Variants in ACOXL observed in about 807,000 individuals in gnomAD.
ACOXL encodes the protein acyl-CoA oxidase like.
In ACOXL, 70 loss-of-function variants were observed where a neutral mutation model predicts 71.9. The ratio of observed to expected loss-of-function variants is 0.97; its 90% CI spans 0.80 to 1.19. ACOXL has a LOEUF of 1.19. Among genes scored for constraint, ACOXL ranks in the 50% most tolerant of loss-of-function variants. The pLI is 0.00. For synonymous variants in ACOXL, 253 were observed against 281.6 expected (o/e 0.90, Z 1.02); for missense variants, 703 against 736.3 (o/e 0.95, Z 0.52).
At chr2:110,845,198 G>T (rs1053377998) in intron 10 of ACOXL, among the ~76,000 whole-genome samples, 1 of 152,208 alleles carries the variant, frequency 6.6e-6, no homozygotes, top group East Asian at 1.9e-4. Flanking sequence ...CCTGGTCTCT[G>T]CTTCCAAGAT....
chr2:110,907,942 G>A (rs1247726470), intron 10 of ACOXL, among the ~76,000 whole-genome samples: 1 of 152,204 alleles, frequency 6.6e-6, no homozygotes, highest in Non-Finnish European at 1.5e-5. Context: ...CACCATGCTT[G>A]ATAACATAGC....
chr2:111,076,987 G>T (rs2067634136), intron 16 of ACOXL, among the ~76,000 whole-genome samples: 1 of 152,028 alleles, frequency 6.6e-6, no homozygotes, highest in Non-Finnish European at 1.5e-5. Flanking sequence ...ATTGCATTTA[G>T]GACCTACCTG....
intron 13 of ACOXL, among the ~76,000 whole-genome samples, chr2:110,991,676 AT>A (rs913140485): frequency 6.6e-6 from 1 of 151,920 alleles, no homozygotes; most frequent in Non-Finnish European, 1.5e-5. Flanking sequence ...GAAATCTGTT[AT>A]CTGTCTTTTT....
intron 5 of ACOXL, among the ~76,000 whole-genome samples, chr2:110,794,392 T>C (rs190589792): frequency 1.6e-3 from 245 of 152,370 alleles, no homozygotes; most frequent in Admixed American, 3.4e-3. Context: ...TGAGGCAATA[T>C]GGTGCCTTTG....
At chr2:110,948,367 C>T (rs2061192656) in intron 12 of ACOXL, among the ~76,000 whole-genome samples, 1 of 152,144 alleles carries the variant, frequency 6.6e-6, no homozygotes, top group Non-Finnish European at 1.5e-5. Context: ...TGATGTGAGG[C>T]AGAGCCCTCT....
intron 6 of ACOXL, 137 bp downstream of exon 6, chr2:110,798,861 T>G: frequency 1.8e-6 from 2 of 1,140,010 alleles, no homozygotes; most frequent in Non-Finnish European, 2.6e-6. Flanking sequence ...ATGAAGAAAT[T>G]TATCATTACA....
At chr2:110,953,553 T>C (rs371278683) in intron 12 of ACOXL, among the ~76,000 whole-genome samples, 2 of 152,136 alleles carry the variant, frequency 1.3e-5, no homozygotes, top group East Asian at 3.8e-4. Flanking sequence ...CTATTCTTAC[T>C]GAGGTTTTGG....
intron 12 of ACOXL, among the ~76,000 whole-genome samples, chr2:110,939,825 C>T (rs2060802304): frequency 6.6e-6 from 1 of 152,110 alleles, no homozygotes; most frequent in African/African-American, 2.4e-5. Flanking sequence ...TTAGTGTTTG[C>T]GTGTTTTATG....
intron 12 of ACOXL, among the ~76,000 whole-genome samples, chr2:110,934,010 C>T (rs1261818313): frequency 2.6e-5 from 4 of 152,186 alleles, no homozygotes; most frequent in African/African-American, 9.6e-5. Context: ...CCAAGGGTTT[C>T]CCTCACCCCT....
At chr2:110,811,730 TACACACACACACAC>T (rs780039810) in intron 9 of ACOXL, among the ~76,000 whole-genome samples, 1,062 of 101,650 alleles carry the variant, frequency 0.01, 21 homozygotes, top group African/African-American at 0.036. Context: ...TTTTTTTGCA[TACACACACACACAC>T]ACACACACAC....
At chr2:110,900,685 G>C (rs1375760851) in intron 10 of ACOXL, among the ~76,000 whole-genome samples, 5 of 152,210 alleles carry the variant, frequency 3.3e-5, no homozygotes, top group Admixed American at 6.5e-5. Flanking sequence ...AGTCACTAGA[G>C]AGGACAAGAA....
chr2:110,741,694 A>C (rs1262580051), intron 1 of ACOXL, among the ~76,000 whole-genome samples: 1 of 152,218 alleles, frequency 6.6e-6, no homozygotes, highest in Non-Finnish European at 1.5e-5. Context: ...CATCTCAGAG[A>C]GCCTGTGCTG....
intron 10 of ACOXL, among the ~76,000 whole-genome samples, chr2:110,884,886 C>T (rs1221336170): frequency 1.1e-4 from 17 of 151,942 alleles, no homozygotes; most frequent in Admixed American, 8.5e-4. Flanking sequence ...AGATTGGCCA[C>T]GAGATACAGC....
chr2:110,746,575 C>T (rs924920709), intron 1 of ACOXL, among the ~76,000 whole-genome samples: 2 of 152,150 alleles, frequency 1.3e-5, no homozygotes, highest in African/African-American at 4.8e-5. Flanking sequence ...AGGGGGCTTC[C>T]TCCACATGTA....
intron 1 of ACOXL, among the ~76,000 whole-genome samples, chr2:110,756,082 G>A (rs1208403447): frequency 6.6e-6 from 1 of 152,062 alleles, no homozygotes. Flanking sequence ...AGGAATTCGG[G>A]TGTTAATAGT....
rs116045455 is a variant in ACOXL at position 110,843,218 on chromosome 2, C to T, written c.788+1813C>T. Among the ~76,000 whole-genome samples the T allele has an allele frequency of 6.4e-3, 982 of 152,306 alleles. 8 individuals carry two copies. The highest frequency in any genetic ancestry group is 0.022 in the African/African-American group (911 of 41,558). ...GCTTGCCCTTCCCCATGATGTCTCA[C>T]TATGTTGCAAGGGCTGGTTTTGAAC... On this transcript the variant is annotated intron_variant, in intron 10 of 17. Coordinates refer to ENST00000439055, the MANE Select transcript of ACOXL (RefSeq NM_001142807.4).
At chr2:110,937,323 C>T (rs1197017805) in intron 12 of ACOXL, among the ~76,000 whole-genome samples, 1 of 152,208 alleles carries the variant, frequency 6.6e-6, no homozygotes, top group Non-Finnish European at 1.5e-5. Flanking sequence ...GGTTTAGGAA[C>T]TCTGTGTCAG....
At chr2:110,771,646 AAT>A (rs1327598225) in intron 2 of ACOXL, among the ~76,000 whole-genome samples, 11 of 152,374 alleles carry the variant, frequency 7.2e-5, no homozygotes, top group Non-Finnish European at 1.2e-4. Flanking sequence ...GCGAAAAAAC[AAT>A]ATGAGTCTGA....
At chr2:111,112,813 G>A (rs2070085557) in intron 17 of ACOXL, 2 of 152,242 alleles carry the variant, frequency 1.3e-5, no homozygotes, top group African/African-American at 4.8e-5. Context: ...TTTACTGAAG[G>A]AGAATCTGCA....
Sources: gnomAD v4.1 joint callset for allele counts (sites outside exome capture counted in the v4.1 genomes callset) on GRCh38, gnomAD v4.1.1 for gene constraint, MANE v1.5 for transcripts, NCBI Gene and HGNC (gene_info 2026-07-23, HGNC 2026-07-21) for gene names.